SPATA7: variants seen among roughly 807,000 people sequenced by gnomAD.
SPATA7 encodes the protein spermatogenesis-associated protein 7.
In SPATA7, 43 loss-of-function variants were observed where a neutral mutation model predicts 51.8. That is an observed-to-expected ratio of 0.83 (90% CI 0.65 to 1.07). The LOEUF is 1.07. Ranked by LOEUF, SPATA7 falls within the 50% of genes least tolerant of loss-of-function variation. SPATA7 has a pLI of 0.00. For missense variants in SPATA7, 683 were observed against 701.3 expected, an observed-to-expected ratio of 0.97 and a Z score of 0.30; for synonymous variants, 230 against 252.8, an observed-to-expected ratio of 0.91 and a Z score of 0.86.
intron 4 of SPATA7, among the ~76,000 whole-genome samples, chr14:88,401,860 AAAG>A (rs2076068943): frequency 6.6e-6 from 1 of 150,846 alleles, no homozygotes; most frequent in South Asian, 2.1e-4. Flanking sequence ...AAAAAAAAAA[AAAG>A]TAAGGTTACT....
rs374126653 is a variant in SPATA7 at position 88,426,245 on chromosome 14, C to A, written c.386C>A (p.Pro129Gln). The A allele has an allele frequency of 6.2e-7, 1 of 1,613,438 alleles. No homozygotes were observed. The highest frequency in any genetic ancestry group is 8.5e-7 in the Non-Finnish European group (1 of 1,179,712). The change falls in exon 6 of 12, where the codon CCG (proline) becomes CAG (glutamine). Residue 129 changes from proline to glutamine, a missense_variant. Transcript: ENST00000393545. Reference sequence around the variant, plus strand: ...GAATGTTCTTAGCCCTCAGGCGAACCGCAAATTGAGGATGACATGTTAAAA... The same window carrying A: ...GAATGTTCTTAGCCCTCAGGCGAACAGCAAATTGAGGATGACATGTTAAAA... Reference protein sequence around the residue: ...FNTLQKPSGEPQIEDDMLKEE... With the variant: ...FNTLQKPSGEQQIEDDMLKEE...
rs2139845858 is a variant in SPATA7, at chr14:88,385,795, G to A, written c.-24G>A. On this transcript the variant is annotated 5_prime_UTR_variant, in exon 1 of 12. Coordinates refer to ENST00000393545, the MANE Select transcript of SPATA7 (RefSeq NM_018418.5). Reference sequence around the variant, plus strand: ...ACCGAAGGGGATACAGCGTGTCCCTGCGGCGGCTGCAAGAGGACTAAGCAT... The same window carrying A: ...ACCGAAGGGGATACAGCGTGTCCCTACGGCGGCTGCAAGAGGACTAAGCAT... 6.2e-7 allele frequency: 1 copy of A among 1,601,790 alleles called. No individual in the cohort carries two copies. The highest frequency in any genetic ancestry group is 8.5e-7 in the Non-Finnish European group (1 of 1,173,824).
chr14:88,432,295 C>G (rs2076963555), intron 9 of SPATA7, among the ~76,000 whole-genome samples: 1 of 151,656 alleles, frequency 6.6e-6, no homozygotes, highest in Non-Finnish European at 1.5e-5. Context: ...TAAGCAAGAC[C>G]CTGTGAATCA....
At chr14:88,468,665 T>G (rs1311581368) in intron 4 of SPATA7, among the ~76,000 whole-genome samples, 1 of 152,132 alleles carries the variant, frequency 6.6e-6, no homozygotes, top group Non-Finnish European at 1.5e-5. Flanking sequence ...GAGCTCAAAT[T>G]TGAAAAACCC....
chr14:88,458,768 T>G (rs2077300382), downstream of SPATA7, among the ~76,000 whole-genome samples: 1 of 152,198 alleles, frequency 6.6e-6, no homozygotes, highest in Non-Finnish European at 1.5e-5. Context: ...TGCTAGCTTT[T>G]GAATGTGTTT....
intron 3 of SPATA7, among the ~76,000 whole-genome samples, chr14:88,445,882 G>T (rs1474209675): frequency 1.3e-5 from 2 of 152,100 alleles, no homozygotes; most frequent in Non-Finnish European, 2.9e-5. Flanking sequence ...GCTGGATTCG[G>T]TTTGCCAGTA....
rs1191630458 is a variant in SPATA7 at position 88,433,147 on chromosome 14, G to A, written c.1095G>A (p.Leu365=). The change falls in exon 10 of 12, where the codon CTG becomes CTA. Residue 365 remains leucine, a synonymous_variant. Transcript: ENST00000393545. ...CTTCCTTTTACAGTGAAGAAGAACT[G>A]TTGTATCTGAGTTTCATTGAAGATG... ...TRKIYSDEEE[L]LYLSFIEDVT... is the part of the protein sequence containing the mutation. The A allele has an allele frequency of 6.2e-7, 1 of 1,611,348 alleles. No homozygotes were observed. The highest frequency in any genetic ancestry group is 1.3e-5 in the African/African-American group (1 of 74,884).
chr14:88,417,793 C>CT (rs370858255), intron 5 of SPATA7, among the ~76,000 whole-genome samples: 1 of 152,162 alleles, frequency 6.6e-6, no homozygotes, highest in Non-Finnish European at 1.5e-5. Context: ...CTGTCATTTT[C>CT]TTTTTTTGTA....
intron 4 of SPATA7, among the ~76,000 whole-genome samples, chr14:88,465,164 A>G (rs527814644): frequency 1.1e-4 from 17 of 152,322 alleles, no homozygotes; most frequent in African/African-American, 4.1e-4. Context: ...TCCAAATGAT[A>G]TTCTAAAATG....
At chr14:88,447,103 TA>T (rs2077219235) in intron 3 of SPATA7, among the ~76,000 whole-genome samples, 1 of 150,598 alleles carries the variant, frequency 6.6e-6, no homozygotes, top group South Asian at 2.1e-4. Flanking sequence ...CTCCCATTAT[TA>T]ATGTGTGGGA....
intron 10 of SPATA7, among the ~76,000 whole-genome samples, chr14:88,434,740 TA>T (rs1237630116): frequency 6.8e-6 from 1 of 148,116 alleles, no homozygotes; most frequent in Non-Finnish European, 1.5e-5. Context: ...GATACCCAAA[TA>T]GTATGTATTG....
intron 3 of SPATA7, among the ~76,000 whole-genome samples, chr14:88,452,218 A>C (rs891509005): frequency 1.3e-5 from 2 of 152,168 alleles, no homozygotes; most frequent in South Asian, 2.1e-4. Context: ...CAGCAGGGCT[A>C]CCAAGCTCTG....
chr14:88,394,010 G>GT (rs2075814211), intron 3 of SPATA7, among the ~76,000 whole-genome samples: 2 of 151,990 alleles, frequency 1.3e-5, no homozygotes, highest in Middle Eastern at 3.2e-3. Context: ...CCTACCACCT[G>GT]TTTCTGTACA....
chr14:88,424,440 TC>T (rs1323383737), intron 5 of SPATA7, among the ~76,000 whole-genome samples: 5 of 152,284 alleles, frequency 3.3e-5, no homozygotes, highest in South Asian at 4.1e-4. Flanking sequence ...AACATATACT[TC>T]TACCTTTTAA....
chr14:88,439,180 C>T (rs1233287827), downstream of SPATA7, among the ~76,000 whole-genome samples: 1 of 152,178 alleles, frequency 6.6e-6, no homozygotes, highest in Non-Finnish European at 1.5e-5. Context: ...AGTCTTGAAG[C>T]GTTGGACCTT....
intron 5 of SPATA7, among the ~76,000 whole-genome samples, chr14:88,418,789 G>C (rs755836230): frequency 3.9e-5 from 6 of 152,002 alleles, no homozygotes; most frequent in Non-Finnish European, 7.4e-5. Context: ...TTTTCATTAT[G>C]ATTTTTTTAT....
downstream of SPATA7, among the ~76,000 whole-genome samples, chr14:88,443,223 G>A (rs943062327): frequency 1.3e-5 from 2 of 152,102 alleles, no homozygotes; most frequent in Non-Finnish European, 2.9e-5. Flanking sequence ...GATTACAGGC[G>A]TGAGCCACTG....
intron 3 of SPATA7, among the ~76,000 whole-genome samples, chr14:88,448,391 C>G (rs369282460): frequency 5.7e-4 from 87 of 152,194 alleles, no homozygotes; most frequent in African/African-American, 1.7e-3. Flanking sequence ...TTCTTCTAAA[C>G]TTTTTTCAAA....
intron 9 of SPATA7, among the ~76,000 whole-genome samples, chr14:88,432,306 G>T (rs544561775): frequency 1.3e-5 from 2 of 152,148 alleles, no homozygotes; most frequent in East Asian, 3.9e-4. Flanking sequence ...CTGTGAATCA[G>T]TTTGAAAGTG....
Sources: gnomAD v4.1 joint callset for allele counts (sites outside exome capture counted in the v4.1 genomes callset) on GRCh38, gnomAD v4.1.1 for gene constraint, MANE v1.5 for transcripts, NCBI Gene and HGNC (gene_info 2026-07-23, HGNC 2026-07-21) for gene names.